LRMDA: variants seen among roughly 807,000 people sequenced by gnomAD.
LRMDA encodes leucine rich melanocyte differentiation associated, also known as leucine-rich melanocyte differentiation-associated protein.
A neutral mutation model predicts 29.8 loss-of-function variants in LRMDA; 18 were observed. The observed-to-expected ratio is 0.60, with a 90% CI of 0.42 to 0.90. The LOEUF (loss-of-function observed/expected upper bound fraction) is 0.90, where lower values mean the gene tolerates loss of function less well. Among genes scored for constraint, LRMDA ranks in the 40% least tolerant of loss-of-function variants. LRMDA has a pLI of 0.00. For synonymous variants in LRMDA, 125 were observed against 109.4 expected, an observed-to-expected ratio of 1.14 and a Z score of -0.89; for missense variants, 273 against 273.9, an observed-to-expected ratio of 1.00 and a Z score of 0.02.
chr10:75,885,594 C>A (rs1167163472), intron 2 of LRMDA, among the ~76,000 whole-genome samples: 7 of 152,188 alleles, frequency 4.6e-5, no homozygotes, highest in African/African-American at 1.7e-4. Context: ...TGGCTCTTCA[C>A]CCACCTGAAA....
chr10:76,347,663 C>A (rs1486075815), intron 6 of LRMDA, among the ~76,000 whole-genome samples: 3 of 152,114 alleles, frequency 2.0e-5, no homozygotes, highest in Non-Finnish European at 2.9e-5. Flanking sequence ...TAAATTTGTG[C>A]TATGCTTGGT....
intron 6 of LRMDA, among the ~76,000 whole-genome samples, chr10:76,475,129 G>T (rs539975392): frequency 6.6e-6 from 1 of 151,762 alleles, no homozygotes; most frequent in Non-Finnish European, 1.5e-5. Context: ...TATAGCTTAA[G>T]GTAAATTCAT....
intron 2 of LRMDA, among the ~76,000 whole-genome samples, chr10:75,821,493 G>A (rs542948598): frequency 1.6e-3 from 238 of 152,286 alleles, no homozygotes; most frequent in African/African-American, 5.4e-3. Flanking sequence ...TTACTGGCTG[G>A]GCGTGGTGGC....
chr10:76,316,522 C>A (rs1019314412), intron 5 of LRMDA, among the ~76,000 whole-genome samples: 4 of 152,090 alleles, frequency 2.6e-5, no homozygotes, highest in African/African-American at 9.7e-5. Flanking sequence ...TGGAATGAGC[C>A]CAGTGAGGCT....
rs181859739 is a variant in LRMDA, at chr10:75,727,067, T to C, written c.131+288573T>C. ...AAGGTCACTGGTTAATTTTGCATTG[T>C]GTGTGGCCTGTTTCGCTAGCTTTAG... On this transcript the variant is annotated intron_variant, in intron 2 of 6. Coordinates refer to ENST00000611255, the MANE Select transcript of LRMDA (RefSeq NM_001305581.2). Among the ~76,000 whole-genome samples the C allele has an allele frequency of 4.5e-4, 69 of 152,296 alleles. 1 individual carries two copies. The highest frequency in any genetic ancestry group is 1.4e-3 in the Admixed American group (21 of 15,302).
At chr10:75,888,245 G>C (rs1389544817) in intron 2 of LRMDA, among the ~76,000 whole-genome samples, 1 of 152,310 alleles carries the variant, frequency 6.6e-6, no homozygotes, top group East Asian at 1.9e-4. Context: ...TCTGAGAGCT[G>C]CATGTGGAAA....
At chr10:75,791,567 G>T (rs1465781060) in intron 2 of LRMDA, among the ~76,000 whole-genome samples, 2 of 152,156 alleles carry the variant, frequency 1.3e-5, no homozygotes, top group Non-Finnish European at 2.9e-5. Flanking sequence ...GCTTTGTGCT[G>T]TTTTCTCCAC....
intron 6 of LRMDA, among the ~76,000 whole-genome samples, chr10:76,329,472 C>T (rs571846975): frequency 8.5e-5 from 13 of 152,182 alleles, no homozygotes; most frequent in Non-Finnish European, 1.8e-4. Context: ...AAACATTGAA[C>T]TTGAAATGTG....
intron 6 of LRMDA, among the ~76,000 whole-genome samples, chr10:76,389,576 C>T (rs1045029834): frequency 6.6e-6 from 1 of 152,158 alleles, no homozygotes; most frequent in South Asian, 2.1e-4. Context: ...CCATCCATCT[C>T]CAGAATCTTT....
chr10:76,299,188 T>TGTGTGTGC (rs1188916957), intron 5 of LRMDA, among the ~76,000 whole-genome samples: 1 of 147,696 alleles, frequency 6.8e-6, no homozygotes, highest in African/African-American at 2.5e-5. Context: ...TGTGTGTGTG[T>TGTGTGTGC]GCATGCACGC....
intron 5 of LRMDA, among the ~76,000 whole-genome samples, chr10:76,075,507 T>G (rs867563857): frequency 6.6e-6 from 1 of 152,196 alleles, no homozygotes; most frequent in South Asian, 2.1e-4. Flanking sequence ...TCAATGATAT[T>G]TTGTATTTCA....
At chr10:76,120,467 C>T (rs552125274) in intron 5 of LRMDA, among the ~76,000 whole-genome samples, 25 of 152,044 alleles carry the variant, frequency 1.6e-4, no homozygotes, top group Admixed American at 5.2e-4. Context: ...GGATTACAGG[C>T]GTGAGTCACC....
intron 2 of LRMDA, among the ~76,000 whole-genome samples, chr10:75,553,870 T>A (rs1187696678): frequency 6.6e-6 from 1 of 152,068 alleles, no homozygotes; most frequent in Non-Finnish European, 1.5e-5. Flanking sequence ...GTGAGCACCA[T>A]GGGGAAAAAA....
chr10:76,026,794 A>AC (rs1480351633), intron 2 of LRMDA, among the ~76,000 whole-genome samples: 1 of 152,194 alleles, frequency 6.6e-6, no homozygotes, highest in Non-Finnish European at 1.5e-5. Context: ...CAGTCAGATA[A>AC]CCATAGTATC....
At chr10:75,451,784 C>T (rs1844464703) in intron 2 of LRMDA, 1 of 151,744 alleles carries the variant, frequency 6.6e-6, no homozygotes, top group African/African-American at 2.4e-5. Flanking sequence ...TTAGCTACAT[C>T]AAGCTGAATG....
intron 6 of LRMDA, among the ~76,000 whole-genome samples, chr10:76,488,546 G>A (rs1158667041): frequency 6.6e-6 from 1 of 151,646 alleles, no homozygotes; most frequent in Non-Finnish European, 1.5e-5. Flanking sequence ...ATATACAATA[G>A]TTTGTTTCTT....
chr10:75,939,390 T>C (rs1846350466), intron 2 of LRMDA, among the ~76,000 whole-genome samples: 1 of 152,142 alleles, frequency 6.6e-6, no homozygotes, highest in Non-Finnish European at 1.5e-5. Context: ...TTTTCCCTAT[T>C]TGTCGTGAAT....
chr10:76,388,857 A>G (rs1324120245), intron 6 of LRMDA, among the ~76,000 whole-genome samples: 1 of 152,208 alleles, frequency 6.6e-6, no homozygotes, highest in Non-Finnish European at 1.5e-5. Context: ...TTAAACAAGA[A>G]TCTGAAGTCA....
intron 2 of LRMDA, among the ~76,000 whole-genome samples, chr10:75,576,324 C>T (rs1840505696): frequency 6.6e-6 from 1 of 152,232 alleles, no homozygotes; most frequent in African/African-American, 2.4e-5. Flanking sequence ...TCCAGATTCC[C>T]TCCTCTCTGG....
Sources: gnomAD v4.1 joint callset for allele counts (sites outside exome capture counted in the v4.1 genomes callset) on GRCh38, gnomAD v4.1.1 for gene constraint, MANE v1.5 for transcripts, NCBI Gene and HGNC (gene_info 2026-07-23, HGNC 2026-07-21) for gene names.